The following MACF1 variants were observed in gnomAD, a reference collection of about 807,000 sequenced individuals.
The protein encoded by MACF1 is microtubule-actin cross-linking factor 1.
Under a neutral mutation model 854.8 loss-of-function variants are expected in MACF1, and 193 were observed. The ratio of observed to expected loss-of-function variants is 0.23; its 90% CI spans 0.20 to 0.25. The LOEUF (loss-of-function observed/expected upper bound fraction) is 0.25. MACF1 is among the 10% of genes least tolerant of loss of function. The probability of loss-of-function intolerance (pLI) is 1.00; values close to 1 mark genes in which losing one functional copy is unlikely to be tolerated. For missense variants in MACF1, 7,722 were observed against 8,929.1 expected (o/e 0.86, Z 5.45); for synonymous variants, 3,185 against 3,226.7 (o/e 0.99, Z 0.44).
chr1:39,474,504 T>A (rs1479417490), intron 97 of MACF1, among the ~76,000 whole-genome samples: 2 of 152,076 alleles, frequency 1.3e-5, no homozygotes, highest in African/African-American at 4.8e-5. Flanking sequence ...AAGACCAGCC[T>A]GGCCCACATG....
At chr1:39,161,567 AT>A (rs1313874238) in intron 2 of MACF1, among the ~76,000 whole-genome samples, 1 of 152,030 alleles carries the variant, frequency 6.6e-6, no homozygotes, top group Non-Finnish European at 1.5e-5. Flanking sequence ...CAAAAAAACA[AT>A]ACAAAAACTA....
chr1:39,287,713 C>T, intron 15 of MACF1, 151 bp downstream of exon 15: 1 of 880,674 alleles, frequency 1.1e-6, no homozygotes. Flanking sequence ...TGCTATGTTG[C>T]CCAGGCTGGA....
At chr1:39,353,989 C>G (rs1259495577) in intron 44 of MACF1, among the ~76,000 whole-genome samples, 5 of 152,192 alleles carry the variant, frequency 3.3e-5, no homozygotes, top group Non-Finnish European at 5.9e-5. Context: ...CTCCTTACTA[C>G]TAAGGAATCT....
At chr1:39,436,277 ACTGT>A (rs1220963380) in intron 70 of MACF1, among the ~76,000 whole-genome samples, 2 of 152,212 alleles carry the variant, frequency 1.3e-5, no homozygotes, top group African/African-American at 4.8e-5. Flanking sequence ...TCTTAGTGGT[ACTGT>A]TGTCATGTCT....
Position 39,376,769 on chromosome 1 carries a change from A to G in MACF1, c.13214-1692A>G, listed in dbSNP as rs1345560153. Among the ~76,000 whole-genome samples, 3 of 152,108 alleles carry G rather than the reference A, an allele frequency of 2.0e-5. No individual in the cohort carries two copies. In the East Asian group the frequency reaches 5.8e-4, roughly 29 times the overall value. On this transcript the variant is annotated intron_variant, in intron 52 of 100. Coordinates refer to ENST00000564288, the MANE Select transcript of MACF1 (RefSeq NM_001394062.1). Reference sequence around the variant, plus strand: ...CTCGCTCTGTCACCCAGGCTGGAGTACGGTAGTGTGATCATGGCTCTCTGT... The same window carrying G: ...CTCGCTCTGTCACCCAGGCTGGAGTGCGGTAGTGTGATCATGGCTCTCTGT...
Position 39,337,384 on chromosome 1 carries a change from CATCTTCCTTGAAGA to C in MACF1, c.10215+54_10215+67del. On this transcript the variant is annotated intron_variant, in intron 38 of 100. Transcript: ENST00000564288. ...ACACCAGCTTCAAGATAGCTGCCTC[CATCTTCCTTGAAGA>C]TTTCAAGACTTACTAGAACCTGCTT... 1.9e-6 allele frequency: 3 copies of C among 1,587,058 alleles called. No homozygotes were observed. The South Asian group carries it at 3.4e-5, about 18-fold the overall frequency.
intron 2 of MACF1, among the ~76,000 whole-genome samples, chr1:39,236,494 GC>G (rs757541674): frequency 1.2e-4 from 18 of 152,088 alleles, no homozygotes; most frequent in Non-Finnish European, 2.5e-4. Context: ...CTTTCTTTGT[GC>G]CCCTGACTAT....
intron 2 of MACF1, among the ~76,000 whole-genome samples, chr1:39,118,829 C>CCTATATGTATTGT (rs1553137246): frequency 6.6e-6 from 1 of 152,128 alleles, no homozygotes; most frequent in Non-Finnish European, 1.5e-5. Context: ...CTTTGCCTTG[C>CCTATATGTATTGT]CTATATGTAT....
Position 39,481,056 on chromosome 1 carries a change from G to A in MACF1, c.22281+26G>A, listed in dbSNP as rs1469039032. The A allele has an allele frequency of 4.2e-6, 6 of 1,429,770 alleles. No individual in the cohort carries two copies. In the African/African-American group the frequency reaches 7.1e-5, roughly 17 times the overall value. 88.6% of individuals were successfully genotyped at this position (1,429,770 alleles called of 1,614,324 possible). The stretch of plus-strand genomic sequence containing the variant: ...GTAGAGTATGGCTTTGCTGACTGAG[G>A]ACACAGTCAAGACGAGGCCCTCGCT... On this transcript the variant is annotated intron_variant, in intron 99 of 100. Coordinates refer to ENST00000564288, the MANE Select transcript of MACF1 (RefSeq NM_001394062.1).
intron 2 of MACF1, among the ~76,000 whole-genome samples, chr1:39,129,952 T>C (rs2148169376): frequency 6.6e-6 from 1 of 152,362 alleles, no homozygotes; most frequent in East Asian, 1.9e-4. Flanking sequence ...TGGTTTTAAC[T>C]CTTCTGTGGC....
chr1:39,427,836 T>G (rs1643773932), intron 62 of MACF1, 125 bp from the exon 63 acceptor site: 2 of 945,880 alleles, frequency 2.1e-6, no homozygotes, highest in Middle Eastern at 2.3e-4. Context: ...TTTATATTAT[T>G]TTTGCCTTTC....
At chr1:39,181,888 C>T (rs1644108396) in intron 2 of MACF1, among the ~76,000 whole-genome samples, 2 of 152,196 alleles carry the variant, frequency 1.3e-5, no homozygotes, top group African/African-American at 4.8e-5. Flanking sequence ...CGTTGTGGCT[C>T]ACGCCCATAA....
At chr1:39,256,688 G>A (rs941594087) in intron 5 of MACF1, among the ~76,000 whole-genome samples, 2 of 152,162 alleles carry the variant, frequency 1.3e-5, no homozygotes, top group African/African-American at 4.8e-5. Flanking sequence ...GCACACTGGG[G>A]CAGTAAGTCA....
intron 2 of MACF1, among the ~76,000 whole-genome samples, chr1:39,182,721 A>G (rs1190666396): frequency 6.6e-6 from 1 of 152,202 alleles, no homozygotes; most frequent in African/African-American, 2.4e-5. Flanking sequence ...ATGTGGAGAA[A>G]TTGGAACACC....
intron 14 of MACF1, 87 bp from the exon 15 acceptor site, chr1:39,287,199 C>T: frequency 7.3e-7 from 1 of 1,375,476 alleles, no homozygotes; most frequent in Non-Finnish European, 9.9e-7. Flanking sequence ...TTTATCATAT[C>T]TTTGTCAAAT....
Position 39,360,790 on chromosome 1 carries a change from C to T in MACF1, c.12245-3C>T. On this transcript the variant is annotated splice_polypyrimidine_tract_variant and splice_region_variant and intron_variant, in intron 47 of 100. Transcript: ENST00000564288. ...TCTTTCTTTTCATGGCCTGATTTTT[C>T]AGATTCCATACTCAGCCACTTCCAA... 6.3e-7 allele frequency: 1 copy of T among 1,583,938 alleles called. No individual in the cohort carries two copies.
At chr1:39,295,980 C>A in intron 20 of MACF1, 98 bp downstream of exon 20, 1 of 1,027,438 alleles carries the variant, frequency 9.7e-7, no homozygotes, top group Non-Finnish European at 1.4e-6. Flanking sequence ...TTGTATAAAC[C>A]ACCACCTTAA....
At position 39,139,862 on chromosome 1, in the gene MACF1, A is replaced by G. The variant is rs147472006; in HGVS notation, c.220+55424A>G. On this transcript the variant is annotated intron_variant, in intron 2 of 93. Coordinates refer to the MACF1 transcript ENST00000361689. ...CATTGGAACCTCACAGATGTTTTTC[A>G]TCACTCCTGTTTTACAGCTGAGGAA... Among the ~76,000 whole-genome samples the G allele has an allele frequency of 8.3e-4, 127 of 152,296 alleles. 4 individuals are homozygous for G. The East Asian group carries it at 0.019, about 23-fold the overall frequency.
At chr1:39,232,760 T>G (rs4660557) in intron 2 of MACF1, among the ~76,000 whole-genome samples, 4,163 of 104,048 alleles carry the variant, frequency 0.04, 200 homozygotes, top group African/African-American at 0.11. Flanking sequence ...TTTTTTTTTT[T>G]TTTTTTTTGT....
Sources: gnomAD v4.1 joint callset for allele counts (sites outside exome capture counted in the v4.1 genomes callset) on GRCh38, gnomAD v4.1.1 for gene constraint, MANE v1.5 for transcripts, NCBI Gene and HGNC (gene_info 2026-07-23, HGNC 2026-07-21) for gene names.